AKR1C8: variants seen among roughly 807,000 people sequenced by gnomAD.
The protein encoded by AKR1C8 is aldo-keto reductase family 1 member C-like protein 1.
At chr10:5,180,477 A>G in the AKR1C8 span, among the ~76,000 whole-genome samples, 79,676 of 151,058 alleles carry the variant, frequency 0.53, 21,904 homozygotes, top group Non-Finnish European at 0.6. Context: ...CTCCAGCTGC[A>G]TGCTGGGAGA....
At chr10:5,122,532 A>C in the AKR1C8 span, among the ~76,000 whole-genome samples, 1 of 152,150 alleles carries the variant, frequency 6.6e-6, no homozygotes, top group African/African-American at 2.4e-5. Context: ...TTGTTTCCCC[A>C]CTTCCCCGGG....
chr10:5,158,514 A>C, the AKR1C8 span: 1 of 405,962 alleles, frequency 2.5e-6, no homozygotes. Context: ...TTTTTATAAT[A>C]CAATTTTTAA....
chr10:5,169,892 T>A, the AKR1C8 span, among the ~76,000 whole-genome samples: 2 of 152,280 alleles, frequency 1.3e-5, no homozygotes, highest in South Asian at 4.1e-4. Context: ...TTACTTTTTA[T>A]CATTTTCAGC....
the AKR1C8 span, among the ~76,000 whole-genome samples, chr10:5,176,637 A>G: frequency 1.3e-5 from 2 of 151,776 alleles, no homozygotes; most frequent in African/African-American, 4.8e-5. Context: ...ATTTGTTTGT[A>G]TCCTCTTTTA....
the AKR1C8 span, among the ~76,000 whole-genome samples, chr10:5,172,720 G>C: frequency 1.2e-4 from 19 of 152,066 alleles, no homozygotes; most frequent in Non-Finnish European, 1.9e-4. Context: ...GTACTGGTAA[G>C]TTTCAAAGAT....
chr10:5,168,856 T>C, the AKR1C8 span, among the ~76,000 whole-genome samples: 2 of 152,110 alleles, frequency 1.3e-5, no homozygotes, highest in African/African-American at 2.4e-5. Flanking sequence ...CACTTTCTGA[T>C]GTACATATTA....
chr10:5,132,604 T>G, the AKR1C8 span: 1 of 1,571,318 alleles, frequency 6.4e-7, no homozygotes, highest in African/African-American at 1.4e-5. Flanking sequence ...CACAGTACCT[T>G]TGAAGTGTAG....
the AKR1C8 span, among the ~76,000 whole-genome samples, chr10:5,116,895 G>C: frequency 6.6e-6 from 1 of 152,286 alleles, no homozygotes; most frequent in East Asian, 1.9e-4. Context: ...GGAAAGCGTA[G>C]CATTCGTATG....
At chr10:5,132,860 T>C in the AKR1C8 span, 1 of 572,290 alleles carries the variant, frequency 1.7e-6, no homozygotes. Flanking sequence ...AATCACATTA[T>C]TCTTGCATCT....
the AKR1C8 span, among the ~76,000 whole-genome samples, chr10:5,181,772 T>A: frequency 6.6e-6 from 1 of 152,334 alleles, no homozygotes; most frequent in Non-Finnish European, 1.5e-5. Flanking sequence ...ACCAAATTAC[T>A]TTGTCAATCA....
the AKR1C8 span, among the ~76,000 whole-genome samples, chr10:5,169,589 G>GTT: frequency 0.091 from 13,240 of 145,934 alleles, 651 homozygotes; most frequent in Admixed American, 0.14. Context: ...AAAGATCCAT[G>GTT]TTTTTTTTTT....
the AKR1C8 span, among the ~76,000 whole-genome samples, chr10:5,176,963 C>T: frequency 2.6e-5 from 4 of 152,084 alleles, no homozygotes; most frequent in Non-Finnish European, 5.9e-5. Flanking sequence ...ATTGAATACC[C>T]TTTATTTCCT....
the AKR1C8 span, among the ~76,000 whole-genome samples, chr10:5,138,095 T>C: frequency 6.6e-6 from 1 of 151,294 alleles, no homozygotes; most frequent in Non-Finnish European, 1.5e-5. Flanking sequence ...ACTGTCTTGA[T>C]AAACATCTTA....
chr10:5,156,903 T>A, the AKR1C8 span, among the ~76,000 whole-genome samples: 2 of 152,218 alleles, frequency 1.3e-5, no homozygotes, highest in African/African-American at 2.4e-5. Flanking sequence ...ACAGCTTACA[T>A]ATTTTTTCAA....
At chr10:5,146,550 T>G in the AKR1C8 span, among the ~76,000 whole-genome samples, 2 of 152,166 alleles carry the variant, frequency 1.3e-5, no homozygotes, top group Non-Finnish European at 2.9e-5. Flanking sequence ...CAATATGAAC[T>G]GTTTTTGCAG....
chr10:5,173,152 A>G, the AKR1C8 span, among the ~76,000 whole-genome samples: 1 of 152,162 alleles, frequency 6.6e-6, no homozygotes, highest in Non-Finnish European at 1.5e-5. Context: ...AGGGTTTTTT[A>G]TGCATGCACT....
At chr10:5,137,760 AAG>A in the AKR1C8 span, among the ~76,000 whole-genome samples, 5 of 152,090 alleles carry the variant, frequency 3.3e-5, no homozygotes, top group Non-Finnish European at 5.9e-5. Flanking sequence ...AGACAGTATA[AAG>A]AGAGGAATTT....
At chr10:5,158,779 T>G in the AKR1C8 span, 2 of 465,252 alleles carry the variant, frequency 4.3e-6, no homozygotes, top group South Asian at 3.1e-5. Context: ...TTAAAATTGG[T>G]CTGAAGGAAT....
the AKR1C8 span, among the ~76,000 whole-genome samples, chr10:5,162,295 C>T: frequency 6.6e-6 from 1 of 152,182 alleles, no homozygotes; most frequent in Non-Finnish European, 1.5e-5. Context: ...ACAGGGAGAA[C>T]AGAATCTCTT....
Sources: allele counts gnomAD v4.1 joint callset (sites outside exome capture counted in the v4.1 genomes callset), GRCh38; gene constraint gnomAD v4.1.1; transcripts MANE v1.5; gene names NCBI Gene and HGNC (gene_info 2026-07-23, HGNC 2026-07-21).